Variants in HPS1 observed in about 807,000 individuals in gnomAD.
The protein encoded by HPS1 is HPS1 biogenesis of lysosomal organelles complex 3 subunit 1, also known as BLOC-3 complex member HPS1.
HPS1 carries 59 observed loss-of-function variants against 90.6 expected under a neutral mutation model. The observed-to-expected ratio is 0.65, with a 90% CI of 0.53 to 0.81. The LOEUF (loss-of-function observed/expected upper bound fraction) is 0.81, where lower values mean the gene tolerates loss of function less well. HPS1 is among the 30% of genes least tolerant of loss of function. The pLI, the probability that HPS1 is intolerant of heterozygous loss-of-function variation, is 0.00. For synonymous variants in HPS1, 388 were observed against 384.4 expected (o/e 1.01, Z -0.11); for missense variants, 849 against 896.7 (o/e 0.95, Z 0.68).
At chr10:98,419,992 A>C (rs1205687965) in intron 18 of HPS1, 53 bp downstream of exon 18, 1 of 1,065,278 alleles carries the variant, frequency 9.4e-7, no homozygotes, top group African/African-American at 1.6e-5. Context: ...CAAGAGTTAC[A>C]GAGCGGGAAG....
chr10:98,436,669 G>A (rs1437988063), intron 3 of HPS1, among the ~76,000 whole-genome samples: 2 of 152,224 alleles, frequency 1.3e-5, no homozygotes, highest in Non-Finnish European at 1.5e-5. Context: ...GATAAAGCCA[G>A]TGGAACAGTT....
At chr10:98,446,410 C>A (rs1390559785) in intron 1 of HPS1, among the ~76,000 whole-genome samples, 1 of 152,220 alleles carries the variant, frequency 6.6e-6, no homozygotes, top group Non-Finnish European at 1.5e-5. Flanking sequence ...GGGGGGCCAA[C>A]CTGGGGCGAC....
intron 3 of HPS1, chr10:98,442,851 TTC>T: frequency 2.1e-6 from 1 of 470,806 alleles, no homozygotes; most frequent in East Asian, 4.2e-5. Flanking sequence ...CTCCAAGTTC[TTC>T]TGTTACGTGA....
At chr10:98,424,672 G>T (rs1845360634) in intron 13 of HPS1, among the ~76,000 whole-genome samples, 1 of 152,168 alleles carries the variant, frequency 6.6e-6, no homozygotes, top group Non-Finnish European at 1.5e-5. Flanking sequence ...TCGGGGTGGG[G>T]GGCACACACA....
At position 98,445,645 on chromosome 10, in the gene HPS1, T is replaced by G. The variant is rs1473782049; in HGVS notation, c.-105-241A>C. On this transcript the variant is annotated intron_variant, in intron 1 of 19. Transcript: ENST00000361490. The surrounding 1 kb of genome is among the most constrained non-coding windows in gnomAD (Gnocchi z 4.5). ...GTGCCCACTTTTGTTCCTTCCTCCT[T>G]TGTTCCCATGAAGTGCTCTCACTTC... 6.6e-6 allele frequency among the ~76,000 whole-genome samples: 1 copy of G among 152,158 alleles called. No homozygotes were observed. The highest frequency in any genetic ancestry group is 1.5e-5 in the Non-Finnish European group (1 of 68,024).
chr10:98,428,222 G>A (rs1845866998), intron 10 of HPS1, among the ~76,000 whole-genome samples: 1 of 152,236 alleles, frequency 6.6e-6, no homozygotes, highest in South Asian at 2.1e-4. Flanking sequence ...CTTCTAGCCA[G>A]ACCTAAAGTT....
At chr10:98,420,237 G>A (rs1844678682) in intron 17 of HPS1, 79 bp from the exon 18 acceptor site, 10 of 1,038,260 alleles carry the variant, frequency 9.6e-6, no homozygotes, top group South Asian at 7.6e-5. Flanking sequence ...AGGAAGGAAA[G>A]GGCACAGCCG....
At chr10:98,418,932 C>T (rs1011704460) in intron 18 of HPS1, among the ~76,000 whole-genome samples, 4 of 152,266 alleles carry the variant, frequency 2.6e-5, no homozygotes, top group South Asian at 2.1e-4. Context: ...CTGTTGTACA[C>T]ACGTCCTGGG....
Position 98,418,251 on chromosome 10 carries a change from T to C in HPS1, c.1864A>G (p.Lys622Glu). 1 of 1,605,716 alleles carries C rather than the reference T, an allele frequency of 6.2e-7. No individual in the cohort carries two copies. The highest frequency in any genetic ancestry group is 8.5e-7 in the Non-Finnish European group (1 of 1,174,140). ...FLWFENDMGY[K>E]LQMIEVPVLS... Reference sequence around the variant, plus strand: ...ACGGGCACCTCGATCATCTGGAGTTTGTACCCCTGAGGAGGGAGGACAGGG... The same window carrying C: ...ACGGGCACCTCGATCATCTGGAGTTCGTACCCCTGAGGAGGGAGGACAGGG... The change falls in exon 19 of 20, where the codon AAA (lysine) becomes GAA (glutamate). Residue 622 changes from lysine to glutamate, a missense_variant. Transcript: ENST00000361490.
chr10:98,416,759 C>T lies in HPS1; in HGVS notation c.*805G>A, dbSNP rs918589508. On this transcript the variant is annotated 3_prime_UTR_variant, in exon 20 of 20. Transcript: ENST00000361490. ...AGGGTCTCTTGTCCCTGGGTCCATT[C>T]TGGGACAGGAACTTCTCGGTTGGAA... 6.6e-6 allele frequency: 1 copy of T among 152,354 alleles called. No homozygotes were observed. The allele number at this position is 152,354 out of a possible 1,614,324, so 9.4% of individuals were successfully genotyped here.
At chr10:98,427,293 T>G (rs925163121) in intron 10 of HPS1, 29 bp from the exon 11 acceptor site, 155 of 1,539,452 alleles carry the variant, frequency 1.0e-4, no homozygotes, top group Non-Finnish European at 1.3e-4. Flanking sequence ...AACATAACGA[T>G]GTAAGTACCA....
At position 98,417,380 on chromosome 10, in the gene HPS1, C is replaced by A; in HGVS notation, c.*184G>T. On this transcript the variant is annotated 3_prime_UTR_variant, in exon 20 of 20. Transcript: ENST00000361490. The surrounding 1 kb of genome is among the most constrained non-coding windows in gnomAD (Gnocchi z 4.2). ...TTCCTCCAGAGAGAAGGATCTGGGGCCTTGCTCAGTACCTGACATGGAGGG... is the reference window on the plus strand; with the variant it reads ...TTCCTCCAGAGAGAAGGATCTGGGGACTTGCTCAGTACCTGACATGGAGGG... 1.7e-6 allele frequency: 1 copy of A among 576,054 alleles called. No individual in the cohort carries two copies. The highest frequency in any genetic ancestry group is 3.1e-6 in the Non-Finnish European group (1 of 324,688). The allele number at this position is 576,054 out of a possible 1,614,324, so 35.7% of individuals were successfully genotyped here.
chr10:98,423,906 G>A lies in HPS1; in HGVS notation c.1398-19C>T. On this transcript the variant is annotated intron_variant, in intron 14 of 19. Transcript: ENST00000361490. The stretch of plus-strand genomic sequence containing the variant: ...GAGCAGCCTGAGCACGAGAGAGGAG[G>A]GCATTACAGCAGAAGGGACCTAGGG... The A allele has an allele frequency of 6.2e-7, 1 of 1,612,720 alleles. No homozygotes were observed.
chr10:98,419,703 T>C (rs1265672981), intron 18 of HPS1, among the ~76,000 whole-genome samples: 1 of 152,214 alleles, frequency 6.6e-6, no homozygotes, highest in East Asian at 1.9e-4. Flanking sequence ...GTGCCACACT[T>C]GGCATGTGAC....
chr10:98,414,552 G>A (rs904907750), downstream of HPS1, among the ~76,000 whole-genome samples: 3 of 152,278 alleles, frequency 2.0e-5, no homozygotes, highest in African/African-American at 7.2e-5. Flanking sequence ...TTCTTGTGAC[G>A]AGGGGTGGCC....
intron 1 of HPS1, among the ~76,000 whole-genome samples, chr10:98,446,534 G>A (rs1250032057): frequency 1.3e-5 from 2 of 152,144 alleles, no homozygotes; most frequent in Non-Finnish European, 2.9e-5. Flanking sequence ...CCCTGCCCCT[G>A]AGTCTCTGGA....
In HPS1 at chr10:98,431,281, C is replaced by T. The variant is rs777392493; in HGVS notation, c.518G>A (p.Arg173Gln). ...CTCACAGAGCTGGGGGTGAATCAGT[C>T]GCTCCAGGGCCTAGCCAGGGCAGGA... ...EQCFAVEALERLIHPQLCELC... is the reference protein window; with the variant it reads ...EQCFAVEALEQLIHPQLCELC... The change falls in exon 7 of 20, where the codon CGA becomes CAA. Residue 173 changes from arginine to glutamine, a missense_variant. Arg to Gln is a conservative substitution (Grantham distance 43). Transcript: ENST00000361490. 25 of 1,613,564 alleles carry T rather than the reference C, an allele frequency of 1.5e-5. No individual in the cohort carries two copies. The highest frequency in any genetic ancestry group is 5.0e-5 in the Admixed American group (3 of 59,996).
intron 3 of HPS1, among the ~76,000 whole-genome samples, chr10:98,438,752 G>C (rs929856321): frequency 6.6e-6 from 1 of 152,228 alleles, no homozygotes; most frequent in African/African-American, 2.4e-5. Flanking sequence ...CCTGGCTGCA[G>C]AAATTTGCAT....
At chr10:98,440,392 A>G (rs11599712) in intron 3 of HPS1, among the ~76,000 whole-genome samples, 19,509 of 152,158 alleles carry the variant, frequency 0.13, 1,499 homozygotes, top group South Asian at 0.22. Context: ...ATTTATGTCC[A>G]TATGAGGAAA....
Sources: gnomAD v4.1 joint callset for allele counts (sites outside exome capture counted in the v4.1 genomes callset) on GRCh38, gnomAD v4.1.1 for gene constraint, Gnocchi (gnomAD v3.1) non-coding constraint, MANE v1.5 for transcripts, NCBI Gene and HGNC (gene_info 2026-07-23, HGNC 2026-07-21) for gene names.